ARHGEF33: variants seen among roughly 807,000 people sequenced by gnomAD.
The protein encoded by ARHGEF33 is DH and coiled-coil domain-containing protein ENSP00000381780.
Under a neutral mutation model 101.9 loss-of-function variants are expected in ARHGEF33, and 72 were observed. That is an observed-to-expected ratio of 0.71 (90% confidence interval 0.58 to 0.86). The LOEUF (loss-of-function observed/expected upper bound fraction) is 0.86. ARHGEF33 is among the 40% of genes least tolerant of loss of function. The pLI is 0.00. For synonymous variants in ARHGEF33, 499 were observed against 442.5 expected (o/e 1.13, Z -1.60); for missense variants, 1,169 against 1,111.3 (o/e 1.05, Z -0.74).
In ARHGEF33 at chr2:38,950,976, A is replaced by G. The variant is rs892136902; in HGVS notation, c.921-13A>G. 6.4e-6 allele frequency: 10 copies of G among 1,550,872 alleles called. No homozygotes were observed. The Admixed American group carries it at 1.4e-4, about 21-fold the overall frequency. On this transcript the variant is annotated splice_polypyrimidine_tract_variant and intron_variant, in intron 10 of 17. Coordinates refer to ENST00000409978, the MANE Select transcript of ARHGEF33 (RefSeq NM_001145451.5). Reference sequence around the variant, plus strand: ...ACCTTGTTTGTGTGATTCCGTCTCTATTCTGTTTCAAGCCTCTTCCCTGGC... The same window carrying G: ...ACCTTGTTTGTGTGATTCCGTCTCTGTTCTGTTTCAAGCCTCTTCCCTGGC...
chr2:38,910,834 G>A (rs1254011576), intron 2 of ARHGEF33, among the ~76,000 whole-genome samples: 1 of 152,088 alleles, frequency 6.6e-6, no homozygotes, highest in East Asian at 1.9e-4. Flanking sequence ...TAGTGACAAT[G>A]GTACCTTAAA....
intron 2 of ARHGEF33, among the ~76,000 whole-genome samples, chr2:38,902,031 C>T (rs1232660809): frequency 6.6e-6 from 1 of 150,842 alleles, no homozygotes; most frequent in Non-Finnish European, 1.5e-5. Context: ...AGGAGAATGG[C>T]GTGAACCCGG....
chr2:38,923,451 T>C (rs1036498447), intron 4 of ARHGEF33, among the ~76,000 whole-genome samples: 1 of 152,132 alleles, frequency 6.6e-6, no homozygotes, highest in Non-Finnish European at 1.5e-5. Context: ...TAATTCTCTA[T>C]CTCATTTTAT....
intron 10 of ARHGEF33, among the ~76,000 whole-genome samples, chr2:38,945,380 T>C (rs2124404368): frequency 6.6e-6 from 1 of 152,338 alleles, no homozygotes; most frequent in South Asian, 2.1e-4. Flanking sequence ...TTTCAAGAGT[T>C]ATTTTACTAC....
chr2:38,891,398 C>T (rs1024103255), intron 1 of ARHGEF33, among the ~76,000 whole-genome samples: 1 of 151,860 alleles, frequency 6.6e-6, no homozygotes, highest in Non-Finnish European at 1.5e-5. Context: ...TTCCTCTCTC[C>T]CTCTTCCTTC....
rs144394577 is a variant in ARHGEF33, at chr2:38,975,340, T to G, written c.*1497T>G. ...TATGAATTCATTTGAAATTAGATTT[T>G]TCTCTTATTATGTGGCCGGCAGTGC... On this transcript the variant is annotated 3_prime_UTR_variant, in exon 18 of 18. Transcript: ENST00000409978. 1.4e-3 allele frequency: 216 copies of G among 152,362 alleles called. No homozygotes were observed. Among genetic ancestry groups the G allele is most frequent in the African/African-American group, 4.8e-3 (200 of 41,582 alleles). The allele number at this position is 152,362 out of a possible 1,614,324, so 9.4% of individuals were successfully genotyped here. A position where few individuals can be genotyped will look rare whatever the true frequency, so the allele number is the denominator to read the frequency against.
chr2:38,960,363 C>G lies in ARHGEF33; in HGVS notation c.2058C>G (p.Ser686Arg), dbSNP rs1226549609. The change falls in exon 16 of 18, where the codon AGC becomes AGG. Residue 686 changes from serine to arginine, a missense_variant. Ser to Arg is a moderately radical substitution (Grantham distance 110). Transcript: ENST00000409978. ...AGAGCGCTACGTCGCCGGCGGGCAG[C>G]AGCAGCGCCTACAAACTGGAGGCGG... ...LPKSATSPAG[S>R]SSAYKLEAAA... 6.5e-7 allele frequency: 1 copy of G among 1,528,348 alleles called. No individual in the cohort carries two copies. Among genetic ancestry groups the G allele is most frequent in the Non-Finnish European group, 8.8e-7 (1 of 1,141,918 alleles). The allele number at this position is 1,528,348 out of a possible 1,614,324, so 94.7% of individuals were successfully genotyped here.
chr2:38,929,113 G>A (rs954358690), intron 5 of ARHGEF33, 42 bp downstream of exon 5: 29 of 1,498,638 alleles, frequency 1.9e-5, no homozygotes, highest in Non-Finnish European at 2.3e-5. Context: ...GAGAATTTTG[G>A]TCTCAGTAAC....
intron 2 of ARHGEF33, among the ~76,000 whole-genome samples, chr2:38,911,116 T>C (rs936214690): frequency 4.6e-5 from 7 of 152,160 alleles, no homozygotes; most frequent in African/African-American, 1.7e-4. Flanking sequence ...GGTGTTACTG[T>C]CACAAAATAA....
chr2:38,961,958 T>G (rs1667952880), intron 16 of ARHGEF33, among the ~76,000 whole-genome samples: 1 of 152,136 alleles, frequency 6.6e-6, no homozygotes, highest in Admixed American at 6.5e-5. Flanking sequence ...TGGTGGAAAT[T>G]AGGCCAGAGG....
intron 2 of ARHGEF33, among the ~76,000 whole-genome samples, chr2:38,898,060 TC>T (rs1666160198): frequency 6.6e-6 from 1 of 152,210 alleles, no homozygotes; most frequent in African/African-American, 2.4e-5. Context: ...ATCAAGACTT[TC>T]ATTGGTAGGC....
chr2:38,903,801 A>G (rs976166903), intron 2 of ARHGEF33, among the ~76,000 whole-genome samples: 5 of 152,172 alleles, frequency 3.3e-5, no homozygotes, highest in African/African-American at 9.7e-5. Context: ...TCTTCTACCA[A>G]TTATTTCTCC....
intron 7 of ARHGEF33, among the ~76,000 whole-genome samples, chr2:38,933,428 G>A: frequency 6.6e-6 from 1 of 151,868 alleles, no homozygotes; most frequent in African/African-American, 2.4e-5. Flanking sequence ...TTGCCGCCCA[G>A]GCTGGAGTAC....
rs1191504088 is a variant in ARHGEF33, at chr2:38,975,165, C to G, written c.*1322C>G. 6.6e-6 allele frequency: 1 copy of G among 152,176 alleles called. No homozygotes were observed. Among genetic ancestry groups the G allele is most frequent in the East Asian group, 1.9e-4 (1 of 5,202 alleles). 9.4% of individuals were successfully genotyped at this position (152,176 alleles called of 1,614,324 possible). A position where few individuals can be genotyped will look rare whatever the true frequency, so the allele number is the denominator to read the frequency against. ...GGCAAAGGTTCACATGTAAGTGTTG[C>G]AAGTTTTCTTCTCCTTGTCTGATGA... On this transcript the variant is annotated 3_prime_UTR_variant, in exon 18 of 18. Coordinates refer to ENST00000409978, the MANE Select transcript of ARHGEF33 (RefSeq NM_001145451.5).
intron 1 of ARHGEF33, among the ~76,000 whole-genome samples, chr2:38,890,666 G>A (rs1348679912): frequency 1.3e-5 from 2 of 152,142 alleles, no homozygotes; most frequent in East Asian, 3.9e-4. Flanking sequence ...TGCTGAAATA[G>A]TATTCTGAAT....
chr2:38,965,948 A>G (rs1336125703), intron 16 of ARHGEF33, 58 bp from the exon 17 acceptor site: 2 of 1,531,290 alleles, frequency 1.3e-6, no homozygotes, highest in Admixed American at 4.0e-5. Flanking sequence ...TCCCATAGTC[A>G]GGATCCATAA....
intron 2 of ARHGEF33, among the ~76,000 whole-genome samples, chr2:38,909,479 G>A (rs1446410806): frequency 2.7e-5 from 4 of 149,878 alleles, no homozygotes; most frequent in South Asian, 2.1e-4. Flanking sequence ...GCACCACCAC[G>A]ACTGGCTAAT....
chr2:38,919,302 G>A, intron 2 of ARHGEF33, 61 bp from the exon 3 acceptor site: 3 of 776,554 alleles, frequency 3.9e-6, no homozygotes, highest in South Asian at 3.4e-5. Flanking sequence ...AATGTAAGAA[G>A]TAAATACAGT....
intron 2 of ARHGEF33, among the ~76,000 whole-genome samples, chr2:38,896,183 C>T (rs1666118970): frequency 6.6e-6 from 1 of 152,136 alleles, no homozygotes; most frequent in Non-Finnish European, 1.5e-5. Context: ...TGCTCTGTCG[C>T]CCAGTAGTGC....
Sources: allele counts gnomAD v4.1 joint callset (sites outside exome capture counted in the v4.1 genomes callset), GRCh38; gene constraint gnomAD v4.1.1; transcripts MANE v1.5; gene names NCBI Gene and HGNC (gene_info 2026-07-23, HGNC 2026-07-21).